The following NEB variants were observed in gnomAD, a reference collection of about 807,000 sequenced individuals.
The protein encoded by NEB is nebulin.
Under a neutral mutation model 952.2 loss-of-function variants are expected in NEB, and 512 were observed. The observed-to-expected ratio is 0.54, with a 90% confidence interval of 0.50 to 0.58. The LOEUF (loss-of-function observed/expected upper bound fraction) is 0.58. NEB is among the 20% of genes least tolerant of loss of function. NEB has a pLI of 0.00. For missense variants in NEB, 8,428 were observed against 9,231.1 expected, an observed-to-expected ratio of 0.91 and a Z score of 3.56; for synonymous variants, 2,900 against 3,149.8, an observed-to-expected ratio of 0.92 and a Z score of 2.66.
At chr2:151,679,861 G>A in intron 31 of NEB, 33 bp from the exon 32 acceptor site, 1 of 1,609,188 alleles carries the variant, frequency 6.2e-7, no homozygotes, top group Non-Finnish European at 8.5e-7. Flanking sequence ...GTACAACTTA[G>A]AGACTGTGTT....
chr2:151,526,775 C>T, intron 148 of NEB, 143 bp downstream of exon 148: 6 of 654,422 alleles, frequency 9.2e-6, no homozygotes, highest in South Asian at 7.6e-5. Context: ...GCGCCCCTCA[C>T]AGGACAGGCC....
intron 13 of NEB, among the ~76,000 whole-genome samples, chr2:151,702,625 CTTCT>C (rs767107822): frequency 2.0e-5 from 3 of 151,766 alleles, no homozygotes; most frequent in East Asian, 1.9e-4. Flanking sequence ...ATGTAATGGC[CTTCT>C]TTGTCTCTTT....
At chr2:151,626,577 C>T (rs1301862547) in intron 70 of NEB, among the ~76,000 whole-genome samples, 1 of 151,940 alleles carries the variant, frequency 6.6e-6, no homozygotes, top group Non-Finnish European at 1.5e-5. Flanking sequence ...TGCTCTGTCG[C>T]CCAGGCTGGA....
rs200637566 is a variant in NEB, at chr2:151,678,000, G to T, written c.3443C>A (p.Ala1148Glu). Residue 1148 changes from alanine to glutamate, a missense_variant, in exon 33 of 182, where the codon GCG becomes GAG. Around this residue, in one of 11 missense-constraint regions of NEB, gnomAD observed 2,851 missense variants for 2,791.5 expected, o/e 1.02. Transcript: ENST00000397345. The stretch of plus-strand genomic sequence containing the variant: ...GACCACATCCTGGGCTTTCTTAGCC[G>T]CCACGACATTGAACATATCATGGGG... ...NTPHDMFNVV[A>E]AKKAQDVVSN... 96 of 1,613,880 alleles carry T rather than the reference G, an allele frequency of 5.9e-5. No individual in the cohort carries two copies. In the Admixed American group the frequency reaches 8.3e-4, roughly 14 times the overall value.
At chr2:151,539,740 G>A (rs1424587420) in intron 138 of NEB, among the ~76,000 whole-genome samples, 2 of 152,148 alleles carry the variant, frequency 1.3e-5, no homozygotes, top group Non-Finnish European at 2.9e-5. Flanking sequence ...CCTCGATTGT[G>A]TGATATGGAA....
Position 151,659,777 on chromosome 2 carries a change from A to T in NEB, c.5971-608T>A, listed in dbSNP as rs944226657. On this transcript the variant is annotated intron_variant, in intron 46 of 181. Transcript: ENST00000397345. The stretch of plus-strand genomic sequence containing the variant: ...GTCCTTTTTAAATATACATGAAGTC[A>T]TGTTCTACATCTTGATTTTTAACTT... 7.2e-5 allele frequency among the ~76,000 whole-genome samples: 11 copies of T among 152,346 alleles called. No homozygotes were observed. In the East Asian group the frequency reaches 9.6e-4, roughly 13 times the overall value.
At chr2:151,650,909 C>T (rs748123049) in intron 52 of NEB, 24 bp from the exon 53 acceptor site, 65 of 1,565,968 alleles carry the variant, frequency 4.2e-5, no homozygotes, top group South Asian at 7.3e-5. Flanking sequence ...AAACACAGCT[C>T]TTTTAGTACA....
rs1199851750 is a variant in NEB, at chr2:151,533,458, G to A, written c.21401C>T (p.Ser7134Leu). ...RPDMLTALYNSHMWSQIKYRK... is the reference protein window; with the variant it reads ...RPDMLTALYNLHMWSQIKYRK... ...AGACATTACCTGGCTCCACATATGC[G>A]AATTGTAGAGAGCAGTCAACATATC... Residue 7134 changes from serine to leucine, a missense_variant, in exon 143 of 182, where the codon TCG (serine) becomes TTG (leucine). This residue lies in a region of NEB where 3,374 missense variants were observed against 3,651.5 expected (regional missense o/e 0.92). Coordinates refer to ENST00000397345, the MANE Select transcript of NEB (RefSeq NM_001164508.2). 1.1e-5 allele frequency: 17 copies of A among 1,550,320 alleles called. No individual in the cohort carries two copies. Among genetic ancestry groups the A allele is most frequent in the Admixed American group, 3.9e-5 (2 of 50,994 alleles).
At chr2:151,733,329 T>A in intron 2 of NEB, 144 bp from the exon 3 acceptor site, 1 of 612,946 alleles carries the variant, frequency 1.6e-6, no homozygotes, top group Non-Finnish European at 2.7e-6. Context: ...AGAAGACATT[T>A]AAAATACAAG....
chr2:151,619,879 T>G, intron 72 of NEB, 117 bp from the exon 73 acceptor site: 2 of 1,088,094 alleles, frequency 1.8e-6, no homozygotes, highest in Non-Finnish European at 2.6e-6. Flanking sequence ...TCACTGGTCA[T>G]GCTGCTGTAA....
rs535404281 is a variant in NEB at position 151,637,497 on chromosome 2, G to C, written c.8995-1163C>G. Among the ~76,000 whole-genome samples the C allele has an allele frequency of 2.0e-5, 3 of 152,310 alleles. No homozygotes were observed. The South Asian group carries it at 6.2e-4, about 32-fold the overall frequency. On this transcript the variant is annotated intron_variant, in intron 63 of 181. Coordinates refer to ENST00000397345, the MANE Select transcript of NEB (RefSeq NM_001164508.2). ...CAGAAAATAGGAAAGCAGCCAAAAA[G>C]TTCTCTTCTTTTTAACATCAGAGGG...
chr2:151,489,577 A>G (rs2054361157), intron 181 of NEB, among the ~76,000 whole-genome samples: 1 of 152,040 alleles, frequency 6.6e-6, no homozygotes, highest in East Asian at 1.9e-4. Flanking sequence ...TTTGGTTTTT[A>G]GTAGAGATGA....
intron 166 of NEB, 51 bp from the exon 167 acceptor site, chr2:151,502,936 GT>G: frequency 2.6e-6 from 3 of 1,141,740 alleles, no homozygotes; most frequent in Non-Finnish European, 3.9e-6. Flanking sequence ...GGCACAGAGA[GT>G]AAGGAAGGAA....
intron 129 of NEB, among the ~76,000 whole-genome samples, chr2:151,550,294 T>G (rs555216853): frequency 1.5e-5 from 2 of 135,762 alleles, no homozygotes; most frequent in South Asian, 2.4e-4. Context: ...AAAAAAACAC[T>G]AATTCCTCTG....
Position 151,642,642 on chromosome 2 carries a change from C to A in NEB, c.8305G>T (p.Gly2769Cys). The A allele has an allele frequency of 6.2e-7, 1 of 1,613,960 alleles. No homozygotes were observed. The highest frequency in any genetic ancestry group is 2.2e-5 in the East Asian group (1 of 44,876). ...ATGGCATCTACCCGCATGTCATAACCTTTCCTCTTGGCTTCTTCTAGGCCA... is the reference window on the plus strand; with the variant it reads ...ATGGCATCTACCCGCATGTCATAACATTTCCTCTTGGCTTCTTCTAGGCCA... ...KLGLEEAKRK[G>C]YDMRVDAIPI... Residue 2769 changes from glycine to cysteine, a missense_variant, in exon 60 of 182, where the codon GGT (glycine) becomes TGT (cysteine). Physicochemically the swap from Gly to Cys is radical, Grantham distance 159 (BLOSUM62 -3). Coordinates refer to ENST00000397345, the MANE Select transcript of NEB (RefSeq NM_001164508.2).
intron 166 of NEB, 170 bp from the exon 167 acceptor site, chr2:151,503,055 T>G (rs1398401805): frequency 1.7e-6 from 1 of 589,040 alleles, no homozygotes; most frequent in Non-Finnish European, 3.0e-6. Flanking sequence ...AACTCTACAA[T>G]GCTAATTCTG....
At chr2:151,495,800 T>C (rs566679460) in intron 173 of NEB, among the ~76,000 whole-genome samples, 13 of 152,300 alleles carry the variant, frequency 8.5e-5, no homozygotes, top group Non-Finnish European at 1.3e-4. Flanking sequence ...TTTATATCAT[T>C]ATTCTTGAAG....
chr2:151,665,176 C>T (rs554237986), intron 42 of NEB, among the ~76,000 whole-genome samples, 157 bp downstream of exon 42: 6 of 152,018 alleles, frequency 3.9e-5, no homozygotes, highest in African/African-American at 7.2e-5. Flanking sequence ...TGAAAGAGAA[C>T]GCTCTAAACA....
chr2:151,581,543 G>C lies in NEB; in HGVS notation c.16224C>G (p.Asn5408Lys), dbSNP rs559417107. 2.5e-6 allele frequency: 3 copies of C among 1,199,532 alleles called. No homozygotes were observed. Among genetic ancestry groups the C allele is most frequent in the Non-Finnish European group, 3.5e-6 (3 of 861,406 alleles). The allele number at this position is 1,199,532 out of a possible 1,614,324, so 74.3% of individuals were successfully genotyped here. The change falls in exon 103 of 182, where the codon AAC (asparagine) becomes AAG (lysine). Residue 5408 changes from asparagine to lysine, a missense_variant. Physicochemically the swap from Asn to Lys is moderately conservative, Grantham distance 94. Coordinates refer to ENST00000397345, the MANE Select transcript of NEB (RefSeq NM_001164508.2). ...GCATCAGGGGAGTGTCAGCTGGCAC[G>C]TTCACATTAGCCTTCTCTTTCTCCC... ...DAWEKEKANVNVPADTPLMLQ... is the reference protein window; with the variant it reads ...DAWEKEKANVKVPADTPLMLQ...
Sources: allele counts gnomAD v4.1 joint callset (sites outside exome capture counted in the v4.1 genomes callset), GRCh38; gene constraint gnomAD v4.1.1; regional missense constraint gnomAD v4.1.1; transcripts MANE v1.5; gene names NCBI Gene and HGNC (gene_info 2026-07-23, HGNC 2026-07-21).